CLEC18A: variants seen among roughly 807,000 people sequenced by gnomAD.
CLEC18A encodes the protein mannose receptor-like 1.
CLEC18A carries 5 observed loss-of-function variants against 24.0 expected under a neutral mutation model. The observed-to-expected ratio is 0.21, with a 90% CI of 0.11 to 0.44. The LOEUF (loss-of-function observed/expected upper bound fraction) is 0.44. Among genes scored for constraint, CLEC18A ranks in the 20% least tolerant of loss-of-function variants. The pLI, the probability that CLEC18A is intolerant of heterozygous loss-of-function variation, is 0.99. For missense variants in CLEC18A, 83 were observed against 233.4 expected (o/e 0.36, Z 4.20); for synonymous variants, 29 against 100.1 (o/e 0.29, Z 4.24).
chr16:69,955,018 G>A (rs1458098595), intron 3 of CLEC18A, among the ~76,000 whole-genome samples: 1 of 144,434 alleles, frequency 6.9e-6, no homozygotes, highest in Non-Finnish European at 1.5e-5. Flanking sequence ...TCTTTTTTTG[G>A]AGACATGGTC....
intron 3 of CLEC18A, among the ~76,000 whole-genome samples, chr16:69,955,494 G>A (rs924171138): frequency 6.6e-6 from 1 of 151,440 alleles, no homozygotes; most frequent in African/African-American, 2.4e-5. Flanking sequence ...GGGACTACAG[G>A]CACGAGCCAC....
At chr16:69,944,189 G>A in the CLEC18A span, among the ~76,000 whole-genome samples, 1 of 133,926 alleles carries the variant, frequency 7.5e-6, no homozygotes, top group Non-Finnish European at 1.8e-5. Flanking sequence ...CCAGCTACTT[G>A]AGAGGCTGAA....
intron 2 of CLEC18A, chr16:69,953,513 C>A (rs565750635): frequency 6.7e-6 from 1 of 149,852 alleles, no homozygotes; most frequent in South Asian, 2.2e-4. Flanking sequence ...GCCAGGCCCA[C>A]TTGTTTAAGA....
At chr16:69,946,382 A>T (rs1180659132), upstream of CLEC18A, among the ~76,000 whole-genome samples, 5 of 127,304 alleles carry the variant, frequency 3.9e-5, no homozygotes, top group Non-Finnish European at 8.3e-5. Context: ...TTACAGTTTT[A>T]TGTGTATGGA....
downstream of CLEC18A, among the ~76,000 whole-genome samples, chr16:69,966,440 C>T (rs1462905500): frequency 1.5e-5 from 2 of 136,102 alleles, no homozygotes; most frequent in Non-Finnish European, 3.3e-5. Flanking sequence ...CCAAAACCCA[C>T]CAAAACCAAG....
Position 69,955,788 on chromosome 16 carries a change from A to G in CLEC18A, c.456+1215A>G, listed in dbSNP as rs1005502987. 1.9e-3 allele frequency among the ~76,000 whole-genome samples: 16 copies of G among 8,506 alleles called. 1 individual carries two copies. The highest frequency in any genetic ancestry group is 2.4e-3 in the Non-Finnish European group (14 of 5,856). 5.6% of individuals were successfully genotyped at this position (8,506 alleles called of 152,430 possible). On this transcript the variant is annotated intron_variant, in intron 3 of 11. Coordinates refer to ENST00000288040, the MANE Select transcript of CLEC18A (RefSeq NM_001370523.4). ...ATCTTCCCAAAGTTCAGGAGCTGAT[A>G]TCACTGCCAAGCAAGTTTCCATTTT...
chr16:69,955,628 G>A (rs2432291), intron 3 of CLEC18A, among the ~76,000 whole-genome samples: 118,654 of 146,760 alleles, frequency 0.81, 48,535 homozygotes, highest in East Asian at 0.96. Flanking sequence ...CTGGGATTAC[G>A]CGTGTGAGAC....
intron 2 of CLEC18A, chr16:69,953,571 T>C (rs1441642868): frequency 7.1e-6 from 1 of 141,282 alleles, no homozygotes; most frequent in Non-Finnish European, 1.6e-5. Context: ...ATCCCAGCAC[T>C]CTGGGAGGCT....
chr16:69,948,372 A>G (rs987382158), upstream of CLEC18A, among the ~76,000 whole-genome samples: 2 of 36,288 alleles, frequency 5.5e-5, no homozygotes, highest in African/African-American at 2.6e-4. Context: ...CTAGAGTTAA[A>G]TGTTTTTTTT....
downstream of CLEC18A, among the ~76,000 whole-genome samples, chr16:69,965,425 C>T (rs1219527849): frequency 1.3e-5 from 2 of 152,034 alleles, no homozygotes; most frequent in Non-Finnish European, 2.9e-5. Flanking sequence ...ACGGCCGCAG[C>T]GCCCGGAGGG....
chr16:69,946,655 C>T (rs2058911939), upstream of CLEC18A, among the ~76,000 whole-genome samples: 2 of 149,676 alleles, frequency 1.3e-5, no homozygotes, highest in African/African-American at 4.9e-5. Context: ...CCATCTGCCT[C>T]GGTCTCGGAA....
At chr16:69,966,319 G>A (rs1288363100), downstream of CLEC18A, among the ~76,000 whole-genome samples, 1 of 144,700 alleles carries the variant, frequency 6.9e-6, no homozygotes, top group Non-Finnish European at 1.5e-5. Flanking sequence ...TCTTGAGTAG[G>A]CGCTGGGTAA....
chr16:69,948,453 G>A (rs1283589475), upstream of CLEC18A, among the ~76,000 whole-genome samples: 2 of 151,322 alleles, frequency 1.3e-5, no homozygotes, highest in Non-Finnish European at 2.9e-5. Flanking sequence ...AGCTGCTTCA[G>A]GAAGAGATAA....
chr16:69,958,734 AAAATAAATAAAT>A (rs375006269), intron 3 of CLEC18A, among the ~76,000 whole-genome samples, 196 bp from the exon 4 acceptor site: 24 of 119,502 alleles, frequency 2.0e-4, no homozygotes, highest in African/African-American at 3.3e-4. Flanking sequence ...CTCCATCTCA[AAAATAAATAAAT>A]AAATAAATAA....
Position 69,954,490 on chromosome 16 carries a change from A to G in CLEC18A, c.373A>G (p.Ser125Gly). The G allele has an allele frequency of 6.2e-7, 1 of 1,612,182 alleles. No individual in the cohort carries two copies. The highest frequency in any genetic ancestry group is 8.5e-7 in the Non-Finnish European group (1 of 1,178,914). Reference protein sequence around the residue: ...AGLVSFVEVVSLWFAEGQRYS... With the variant: ...AGLVSFVEVVGLWFAEGQRYS... ...CTTGGTGTCCTTTGTCGAAGTGGTC[A>G]GCCTATGGTTTGCAGAGGGGCAGCG... Residue 125 changes from serine to glycine, a missense_variant, in exon 3 of 12, where the codon AGC becomes GGC. Ser to Gly is a moderately conservative substitution (Grantham distance 56). This residue lies in a region of CLEC18A where 71 missense variants were observed against 107.4 expected (regional missense o/e 0.66). Transcript: ENST00000288040.
downstream of CLEC18A, among the ~76,000 whole-genome samples, chr16:69,966,306 C>G (rs531655242): frequency 2.0e-5 from 3 of 148,106 alleles, no homozygotes; most frequent in Admixed American, 6.8e-5. Flanking sequence ...CAGAGCAACT[C>G]CATCTTGAGT....
chr16:69,944,282 C>T, the CLEC18A span, among the ~76,000 whole-genome samples: 13 of 147,644 alleles, frequency 8.8e-5, no homozygotes, highest in Middle Eastern at 3.6e-3. Context: ...GGCAACAGAT[C>T]CCTTGGTATA....
upstream of CLEC18A, among the ~76,000 whole-genome samples, chr16:69,947,486 G>T (rs1408883922): frequency 3.3e-5 from 4 of 122,262 alleles, 1 homozygote; most frequent in Non-Finnish European, 7.0e-5. Context: ...AGACCAGCCT[G>T]GGCAACATGG....
In CLEC18A at chr16:69,963,744, T is replaced by C. The variant is rs1959238003; in HGVS notation, c.*133T>C. 17 of 991,686 alleles carry C rather than the reference T, an allele frequency of 1.7e-5. No homozygotes were observed. The South Asian group carries it at 2.5e-4, about 14-fold the overall frequency. 61.4% of individuals were successfully genotyped at this position (991,686 alleles called of 1,614,324 possible). On this transcript the variant is annotated 3_prime_UTR_variant, in exon 12 of 12. Coordinates refer to ENST00000288040, the MANE Select transcript of CLEC18A (RefSeq NM_001370523.4). ...CAAAGAGGTCTCAGACCTTGCACAATGCCAGAAGTTGGGCAGAGAGAGGCA... is the reference window on the plus strand; with the variant it reads ...CAAAGAGGTCTCAGACCTTGCACAACGCCAGAAGTTGGGCAGAGAGAGGCA...
Sources: allele counts gnomAD v4.1 joint callset (sites outside exome capture counted in the v4.1 genomes callset), GRCh38; gene constraint gnomAD v4.1.1; regional missense constraint gnomAD v4.1.1; transcripts MANE v1.5; gene names NCBI Gene and HGNC (gene_info 2026-07-23, HGNC 2026-07-21).